The following KIAA1549 variants were observed in gnomAD, a reference collection of about 807,000 sequenced individuals.
The protein encoded by KIAA1549 is UPF0606 protein KIAA1549.
In KIAA1549, 70 loss-of-function variants were observed where a neutral mutation model predicts 156.4. That is an observed-to-expected ratio of 0.45 (90% CI 0.37 to 0.55). KIAA1549 has a LOEUF of 0.55. Among genes scored for constraint, KIAA1549 ranks in the 20% least tolerant of loss-of-function variants. The probability of loss-of-function intolerance (pLI) is 0.00; values close to 1 mark genes in which losing one functional copy is unlikely to be tolerated. For synonymous variants in KIAA1549, 1,103 were observed against 1,066.4 expected (o/e 1.03, Z -0.67); for missense variants, 2,428 against 2,540.9 (o/e 0.96, Z 0.96).
At chr7:138,897,980 C>T (rs943784708) in intron 9 of KIAA1549, among the ~76,000 whole-genome samples, 14 of 149,638 alleles carry the variant, frequency 9.4e-5, no homozygotes, top group African/African-American at 3.4e-4. Flanking sequence ...CTTCCATGTG[C>T]CTCCTTTTTC....
chr7:138,949,876 A>AT (rs1303573747), intron 1 of KIAA1549, among the ~76,000 whole-genome samples: 4 of 152,210 alleles, frequency 2.6e-5, no homozygotes, highest in African/African-American at 7.2e-5. Context: ...AATTCACGCA[A>AT]TATCACGAGA....
At chr7:138,886,178 G>A (rs1811386529) in intron 10 of KIAA1549, among the ~76,000 whole-genome samples, 1 of 152,180 alleles carries the variant, frequency 6.6e-6, no homozygotes, top group Non-Finnish European at 1.5e-5. Flanking sequence ...AGTGATTTTA[G>A]ACAATATATT....
chr7:138,918,669 T>G lies in KIAA1549; in HGVS notation c.957A>C (p.Ala319=). ...CAGTGGTCACATCAGTGTATCTGTC[T>G]GCACTTGTGGCCCAAACCTCCTCTG... ...QPPEEVWATS[A]DRYTDVTTVL... Residue 319 remains alanine (A), a synonymous_variant, in exon 2 of 20, where the codon GCA becomes GCC. Transcript: ENST00000422774. The surrounding 1 kb of genome is among the most constrained non-coding windows in gnomAD (Gnocchi z 4.2). 1 of 1,613,836 alleles carries G rather than the reference T, an allele frequency of 6.2e-7. No individual in the cohort carries two copies. The highest frequency in any genetic ancestry group is 1.1e-5 in the South Asian group (1 of 91,086).
At chr7:138,931,985 G>A (rs887430581) in intron 1 of KIAA1549, among the ~76,000 whole-genome samples, 1 of 151,992 alleles carries the variant, frequency 6.6e-6, no homozygotes, top group African/African-American at 2.4e-5. Flanking sequence ...GGGGAGGCGT[G>A]GGGTGTGTAT....
chr7:138,861,837 C>T (rs1810594402), intron 15 of KIAA1549, among the ~76,000 whole-genome samples: 1 of 152,030 alleles, frequency 6.6e-6, no homozygotes, highest in African/African-American at 2.4e-5. Context: ...CATCATTGTA[C>T]TCCAGCCTGG....
At chr7:138,980,592 T>C (rs79517735) in intron 1 of KIAA1549, among the ~76,000 whole-genome samples, 5,240 of 152,324 alleles carry the variant, frequency 0.034, 329 homozygotes, top group African/African-American at 0.12. Flanking sequence ...TGTCCTGCTG[T>C]ACGGGGGGAC....
intron 1 of KIAA1549, among the ~76,000 whole-genome samples, chr7:138,964,389 G>A (rs1217103747): frequency 6.6e-6 from 1 of 152,212 alleles, no homozygotes; most frequent in Non-Finnish European, 1.5e-5. Flanking sequence ...CTAGCTGTGT[G>A]AGCAAGTCAA....
chr7:138,894,289 C>T (rs564097873), intron 10 of KIAA1549, 53 bp downstream of exon 10: 2 of 1,567,838 alleles, frequency 1.3e-6, no homozygotes, highest in East Asian at 2.2e-5. Context: ...TCATCCTATC[C>T]CTGCCCCACA....
chr7:138,980,036 T>C (rs755493247), intron 1 of KIAA1549, among the ~76,000 whole-genome samples: 3 of 152,236 alleles, frequency 2.0e-5, no homozygotes, highest in Non-Finnish European at 4.4e-5. Context: ...AAGGGACACC[T>C]TCAAATGTGT....
chr7:138,897,142 G>A (rs1307866603), intron 9 of KIAA1549, among the ~76,000 whole-genome samples: 2 of 152,210 alleles, frequency 1.3e-5, no homozygotes, highest in African/African-American at 2.4e-5. Flanking sequence ...TGTTTAAAAT[G>A]TCAAGTGCTT....
At position 138,916,767 on chromosome 7, in the gene KIAA1549, A is replaced by G; in HGVS notation, c.2859T>C (p.Asp953=). Residue 953 remains aspartate, a synonymous_variant, in exon 2 of 20, where the codon GAT becomes GAC. Coordinates refer to ENST00000422774, the MANE Select transcript of KIAA1549 (RefSeq NM_001164665.2). ...CCTTACCAGTTGTGATCAGATAGGC[A>G]TCGGGGACTGTGATATCACAAACAT... ...PPYVCDITVP[D]AYLITTVLAR... is the part of the protein sequence containing the mutation. 6.2e-7 allele frequency: 1 copy of G among 1,613,956 alleles called. No homozygotes were observed. Among genetic ancestry groups the G allele is most frequent in the Non-Finnish European group, 8.5e-7 (1 of 1,179,852 alleles).
rs2130481453 is a variant in KIAA1549 at position 138,918,355 on chromosome 7, C to T, written c.1271G>A (p.Cys424Tyr). 3 of 1,613,998 alleles carry T rather than the reference C, an allele frequency of 1.9e-6. No individual in the cohort carries two copies. Among genetic ancestry groups the T allele is most frequent in the Admixed American group, 3.3e-5 (2 of 60,020 alleles). Reference protein sequence around the residue: ...SFRPYTWCAACTVPSPQQVLA... With the variant: ...SFRPYTWCAAYTVPSPQQVLA... ...AACTTGCTGAGGTGAAGGCACAGTG[C>T]AGGCCGCACACCAAGTGTATGGTCT... Residue 424 changes from cysteine (C) to tyrosine (Y), a missense_variant, in exon 2 of 20, where the codon TGC becomes TAC. Transcript: ENST00000422774. This position sits in a 1 kb window ranked among gnomAD's most constrained non-coding sequence, Gnocchi z 4.2.
rs779721937 is a variant in KIAA1549, at chr7:138,917,309, C to G, written c.2317G>C (p.Gly773Arg). 6.2e-7 allele frequency: 1 copy of G among 1,613,734 alleles called. No homozygotes were observed. The highest frequency in any genetic ancestry group is 8.5e-7 in the Non-Finnish European group (1 of 1,179,806). ...ESAVTALVPP[G>R]SESFDILTAG... ...GTCAAAATGTCAAAAGACTCAGAGC[C>G]GGGGGGCACCAGTGCAGTGACTGCG... Residue 773 changes from glycine to arginine, a missense_variant, in exon 2 of 20, where the codon GGC becomes CGC. Gly to Arg is a moderately radical substitution (Grantham distance 125). Around this residue, in one of 5 missense-constraint regions of KIAA1549, gnomAD observed 762 missense variants for 901.6 expected, o/e 0.85. Transcript: ENST00000422774.
At chr7:138,896,169 T>C (rs1276715711) in intron 9 of KIAA1549, among the ~76,000 whole-genome samples, 1 of 152,246 alleles carries the variant, frequency 6.6e-6, no homozygotes, top group Non-Finnish European at 1.5e-5. Flanking sequence ...ACGCCAAATC[T>C]TGTCTTTTCA....
chr7:138,853,812 A>G (rs894184517), intron 16 of KIAA1549, among the ~76,000 whole-genome samples: 1 of 152,152 alleles, frequency 6.6e-6, no homozygotes, highest in African/African-American at 2.4e-5. Flanking sequence ...CTACATAGAG[A>G]TTATTCACAG....
intron 4 of KIAA1549, among the ~76,000 whole-genome samples, chr7:138,910,665 T>C (rs1348742965): frequency 6.6e-6 from 1 of 151,672 alleles, no homozygotes; most frequent in Non-Finnish European, 1.5e-5. Context: ...CTCAAAGTGC[T>C]GAGATTACAG....
At position 138,918,361 on chromosome 7, in the gene KIAA1549, G is replaced by A. The variant is rs776144844; in HGVS notation, c.1265C>T (p.Ala422Val). The change falls in exon 2 of 20, where the codon GCG (alanine) becomes GTG (valine). Residue 422 changes from alanine (A) to valine (V), a missense_variant. Around this residue, in one of 5 missense-constraint regions of KIAA1549, gnomAD observed 893 missense variants for 847.9 expected, o/e 1.05. Transcript: ENST00000422774. The surrounding 1 kb of genome is among the most constrained non-coding windows in gnomAD (Gnocchi z 4.2). The stretch of plus-strand genomic sequence containing the variant: ...CTGAGGTGAAGGCACAGTGCAGGCC[G>A]CACACCAAGTGTATGGTCTGAATGA... ...VSSFRPYTWCAACTVPSPQQV... is the reference protein window; with the variant it reads ...VSSFRPYTWCVACTVPSPQQV... 16 of 1,613,898 alleles carry A rather than the reference G, an allele frequency of 9.9e-6. No homozygotes were observed. Among genetic ancestry groups the A allele is most frequent in the Middle Eastern group, 1.6e-4 (1 of 6,062 alleles).
rs1348326297 is a variant in KIAA1549, at chr7:138,832,815, A to G, written c.*5091T>C. 1 of 225,526 alleles carries G rather than the reference A, an allele frequency of 4.4e-6. No homozygotes were observed. Among genetic ancestry groups the G allele is most frequent in the East Asian group, 6.4e-5 (1 of 15,544 alleles). The allele number at this position is 225,526 out of a possible 1,614,324, so 14.0% of individuals were successfully genotyped here. On this transcript the variant is annotated 3_prime_UTR_variant, in exon 20 of 20. Coordinates refer to ENST00000422774, the MANE Select transcript of KIAA1549 (RefSeq NM_001164665.2). ...TTTCCAAGTCATCTTCATAGTGGAG[A>G]AAGTAGTCCTGTTTAAACACTGACA...
intron 6 of KIAA1549, among the ~76,000 whole-genome samples, chr7:138,906,372 G>A (rs1812006122): frequency 6.6e-6 from 1 of 152,184 alleles, no homozygotes; most frequent in African/African-American, 2.4e-5. Context: ...AACCAATGCA[G>A]GTTGATCACT....
Sources: gnomAD v4.1 joint callset for allele counts (sites outside exome capture counted in the v4.1 genomes callset) on GRCh38, gnomAD v4.1.1 for gene constraint, gnomAD v4.1.1 regional missense constraint, Gnocchi (gnomAD v3.1) non-coding constraint, MANE v1.5 for transcripts, NCBI Gene and HGNC (gene_info 2026-07-23, HGNC 2026-07-21) for gene names.